Variants in HEPACAM2 observed in about 807,000 individuals in gnomAD.
HEPACAM2 encodes the protein mitotic kinetics regulator.
A neutral mutation model predicts 49.6 loss-of-function variants in HEPACAM2; 49 were observed. The observed-to-expected ratio is 0.99, with a 90% CI of 0.78 to 1.25. The LOEUF (loss-of-function observed/expected upper bound fraction) is 1.25, where lower values mean the gene tolerates loss of function less well. HEPACAM2 is among the 50% of genes most tolerant of loss of function. The pLI is 0.00. For synonymous variants in HEPACAM2, 197 were observed against 202.9 expected, an observed-to-expected ratio of 0.97 and a Z score of 0.25; for missense variants, 525 against 557.2, an observed-to-expected ratio of 0.94 and a Z score of 0.58.
chr7:93,215,328 CTG>C, intron 3 of HEPACAM2, 71 bp downstream of exon 3: 2 of 1,404,614 alleles, frequency 1.4e-6, no homozygotes, highest in South Asian at 2.6e-5. Flanking sequence ...CTTATATTCT[CTG>C]TGACTATCCT....
At chr7:93,213,853 T>C (rs1158767246) in intron 3 of HEPACAM2, among the ~76,000 whole-genome samples, 1 of 151,966 alleles carries the variant, frequency 6.6e-6, no homozygotes, top group Non-Finnish European at 1.5e-5. Flanking sequence ...GATGATGTCA[T>C]GAGGCAAGAA....
chr7:93,192,185 G>T (rs534852380), intron 9 of HEPACAM2, 69 bp downstream of exon 9: 2 of 1,161,622 alleles, frequency 1.7e-6, no homozygotes, highest in East Asian at 4.7e-5. Context: ...CTTTTAATCA[G>T]TTCTGGGGAA....
In HEPACAM2 at chr7:93,208,593, G is replaced by A; in HGVS notation, c.999C>T (p.Ile333=). ...TGTCACACATACCTACGGAAGTGAT[G>A]ATAACTGTGAAATGAGTTTCATCTT... ...GRQDETHFTV[I]ITSVGLEKLA... Residue 333 remains isoleucine (I), a synonymous_variant, in exon 4 of 10, where the codon ATC becomes ATT. Coordinates refer to ENST00000394468, the MANE Select transcript of HEPACAM2 (RefSeq NM_001039372.4). The A allele has an allele frequency of 6.2e-7, 1 of 1,612,530 alleles. No homozygotes were observed. Among genetic ancestry groups the A allele is most frequent in the African/African-American group, 1.3e-5 (1 of 74,944 alleles).
chr7:93,218,444 A>G (rs1217696060), intron 2 of HEPACAM2, among the ~76,000 whole-genome samples: 1 of 152,108 alleles, frequency 6.6e-6, no homozygotes, highest in African/African-American at 2.4e-5. Flanking sequence ...GAAAAAGAGG[A>G]GGTCAACGGT....
Position 93,219,431 on chromosome 7 carries a change from C to T in HEPACAM2, c.100G>A (p.Val34Met). The change falls in exon 2 of 10, where the codon GTG becomes ATG. Residue 34 changes from valine (V) to methionine (M), a missense_variant. Val to Met is a conservative substitution (Grantham distance 21, BLOSUM62 1). Coordinates refer to ENST00000394468, the MANE Select transcript of HEPACAM2 (RefSeq NM_001039372.4). ...TGGACAGTGTGTGATGGCACTGTCA[C>T]CTTCAGCCCCGAGCAAGCACCTGTT... ...LLFGACSGLKVTVPSHTVHGV... is the reference protein window; with the variant it reads ...LLFGACSGLKMTVPSHTVHGV... 1.9e-6 allele frequency: 3 copies of T among 1,613,908 alleles called. No homozygotes were observed. The highest frequency in any genetic ancestry group is 2.5e-6 in the Non-Finnish European group (3 of 1,179,950).
chr7:93,208,983 T>A, intron 3 of HEPACAM2, 107 bp from the exon 4 acceptor site: 1 of 924,484 alleles, frequency 1.1e-6, no homozygotes, highest in Non-Finnish European at 1.6e-6. Context: ...AATTTTCATC[T>A]TAGAATTGGA....
chr7:93,209,031 G>A (rs1794109345), intron 3 of HEPACAM2, among the ~76,000 whole-genome samples, 155 bp from the exon 4 acceptor site: 1 of 151,984 alleles, frequency 6.6e-6, no homozygotes, highest in African/African-American at 2.4e-5. Context: ...TAAATGATGA[G>A]GACCTAAATA....
At chr7:93,192,773 G>C (rs1793588611) in intron 8 of HEPACAM2, among the ~76,000 whole-genome samples, 1 of 152,006 alleles carries the variant, frequency 6.6e-6, no homozygotes, top group South Asian at 2.1e-4. Flanking sequence ...CGCAAGGGTG[G>C]CTTAAAAGAA....
intron 4 of HEPACAM2, among the ~76,000 whole-genome samples, chr7:93,200,090 G>GT (rs1040104234): frequency 3.3e-5 from 5 of 151,938 alleles, no homozygotes; most frequent in Admixed American, 1.3e-4. Flanking sequence ...GTATTCTGCT[G>GT]TTGTTGTATG....
At chr7:93,209,803 T>C (rs1794133391) in intron 3 of HEPACAM2, among the ~76,000 whole-genome samples, 1 of 151,974 alleles carries the variant, frequency 6.6e-6, no homozygotes, top group Non-Finnish European at 1.5e-5. Context: ...GGGTAGGCCA[T>C]GTAAATATTT....
Position 93,226,429 on chromosome 7 carries a change from G to A in HEPACAM2, c.18C>T (p.Phe6=). The change falls in exon 1 of 10, where the codon TTC becomes TTT. Residue 6 remains phenylalanine (F), a synonymous_variant. Transcript: ENST00000394468. ...CAAGTGTGTCACCGAAGGGCTCCAT[G>A]AAAGCATCCTGTCCCATGCATGCAG... MGQDA[F]MEPFGDTLGV... is the part of the protein sequence containing the mutation. The A allele has an allele frequency of 6.2e-7, 1 of 1,613,498 alleles. No individual in the cohort carries two copies. The highest frequency in any genetic ancestry group is 8.5e-7 in the Non-Finnish European group (1 of 1,179,552).
At chr7:93,206,676 T>A (rs1794037617) in intron 4 of HEPACAM2, among the ~76,000 whole-genome samples, 1 of 152,026 alleles carries the variant, frequency 6.6e-6, no homozygotes, top group Non-Finnish European at 1.5e-5. Flanking sequence ...GTTAAGCACA[T>A]TGTGTTAAGT....
At chr7:93,228,456 T>TA (rs11377259), upstream of HEPACAM2, among the ~76,000 whole-genome samples, 22,308 of 152,128 alleles carry the variant, frequency 0.15, 2,905 homozygotes, top group East Asian at 0.31. Flanking sequence ...TATAAACTCT[T>TA]ACCTGCTGGA....
rs116233792 is a variant in HEPACAM2 at position 93,225,143 on chromosome 7, C to T, written c.79+1225G>A. Among the ~76,000 whole-genome samples, 503 of 152,218 alleles carry T rather than the reference C, an allele frequency of 3.3e-3. 4 individuals carry two copies. The highest frequency in any genetic ancestry group is 0.012 in the African/African-American group (483 of 41,564). The stretch of plus-strand genomic sequence containing the variant: ...TTCTTAACGCCAGTTTCAAAAACAA[C>T]ACTTATAAAATGATAGTAGTCCTAC... On this transcript the variant is annotated intron_variant, in intron 1 of 9. Coordinates refer to ENST00000394468, the MANE Select transcript of HEPACAM2 (RefSeq NM_001039372.4).
chr7:93,201,768 T>C (rs1793890072), intron 4 of HEPACAM2, among the ~76,000 whole-genome samples: 1 of 152,078 alleles, frequency 6.6e-6, no homozygotes, highest in Non-Finnish European at 1.5e-5. Context: ...GTCATCTTAA[T>C]TGTTTGGTGA....
chr7:93,223,987 G>A (rs1794497125), intron 1 of HEPACAM2, among the ~76,000 whole-genome samples: 1 of 152,138 alleles, frequency 6.6e-6, no homozygotes, highest in Non-Finnish European at 1.5e-5. Context: ...GTCAAACACA[G>A]TAGTTTACTA....
chr7:93,196,281 TAGATCTAAC>T (rs1465777889), intron 7 of HEPACAM2, among the ~76,000 whole-genome samples: 2 of 152,160 alleles, frequency 1.3e-5, no homozygotes, highest in African/African-American at 2.4e-5. Context: ...TGCACCCTGT[TAGATCTAAC>T]AGATCTAACA....
intron 8 of HEPACAM2, among the ~76,000 whole-genome samples, chr7:93,194,967 A>G (rs1460906539): frequency 2.9e-5 from 4 of 138,512 alleles, no homozygotes; most frequent in African/African-American, 1.2e-4. Context: ...CAACTATATG[A>G]AAGCTCCTTT....
At chr7:93,211,802 A>G (rs775498428) in intron 3 of HEPACAM2, among the ~76,000 whole-genome samples, 39 of 152,136 alleles carry the variant, frequency 2.6e-4, no homozygotes, top group Non-Finnish European at 4.4e-4. Context: ...TACAAAATCT[A>G]AAGTCTGAGG....
Sources: gnomAD v4.1 joint callset for allele counts (sites outside exome capture counted in the v4.1 genomes callset) on GRCh38, gnomAD v4.1.1 for gene constraint, MANE v1.5 for transcripts, NCBI Gene and HGNC (gene_info 2026-07-23, HGNC 2026-07-21) for gene names.